SOX5: variants seen among roughly 807,000 people sequenced by gnomAD.
The protein encoded by SOX5 is SRY-box transcription factor 5.
A neutral mutation model predicts 92.0 loss-of-function variants in SOX5; 9 were observed. The observed-to-expected ratio is 0.10, with a 90% CI of 0.06 to 0.17. The LOEUF (loss-of-function observed/expected upper bound fraction) is 0.17. Ranked by LOEUF, SOX5 falls within the 10% of genes least tolerant of loss-of-function variation. SOX5 has a pLI of 1.00. For missense variants in SOX5, 642 were observed against 944.5 expected (o/e 0.68, Z 4.20); for synonymous variants, 344 against 336.3 (o/e 1.02, Z -0.25).
intron 1 of SOX5, among the ~76,000 whole-genome samples, chr12:24,542,293 C>T (rs1952206382): frequency 6.6e-6 from 1 of 152,200 alleles, no homozygotes; most frequent in Admixed American, 6.5e-5. Flanking sequence ...ACTTCTCCAC[C>T]TAGTTGGCCC....
intron 2 of SOX5, among the ~76,000 whole-genome samples, chr12:23,859,984 T>G (rs906166856): frequency 2.0e-5 from 3 of 152,174 alleles, no homozygotes; most frequent in Non-Finnish European, 4.4e-5. Flanking sequence ...AATGAGGTCA[T>G]GTCTTTTGAG....
intron 1 of SOX5, among the ~76,000 whole-genome samples, chr12:24,454,088 CTT>C (rs1010342509): frequency 6.6e-6 from 1 of 152,096 alleles, no homozygotes; most frequent in African/African-American, 2.4e-5. Flanking sequence ...GAGCTATATT[CTT>C]TGTTTCTTCA....
At chr12:23,961,903 C>T (rs944928398) in intron 4 of SOX5, among the ~76,000 whole-genome samples, 2 of 152,088 alleles carry the variant, frequency 1.3e-5, no homozygotes, top group African/African-American at 4.8e-5. Context: ...AATATTACTT[C>T]CTCAAAGAAG....
At chr12:23,835,488 C>T (rs966743797) in intron 3 of SOX5, among the ~76,000 whole-genome samples, 7 of 151,762 alleles carry the variant, frequency 4.6e-5, no homozygotes, top group Admixed American at 1.3e-4. Context: ...ACAATTATTT[C>T]GCCCTCAGAC....
At chr12:24,505,483 A>T (rs1948629940) in intron 1 of SOX5, among the ~76,000 whole-genome samples, 2 of 152,200 alleles carry the variant, frequency 1.3e-5, no homozygotes, top group Non-Finnish European at 2.9e-5. Context: ...TTTCATACGG[A>T]ACTTCTTTTG....
chr12:24,251,787 G>A (rs1489382989), intron 3 of SOX5, among the ~76,000 whole-genome samples: 2 of 151,836 alleles, frequency 1.3e-5, no homozygotes, highest in Non-Finnish European at 2.9e-5. Flanking sequence ...GGCCAGGCTG[G>A]TCTCAAACTC....
intron 5 of SOX5, among the ~76,000 whole-genome samples, chr12:23,736,387 G>C (rs545908777): frequency 5.0e-4 from 76 of 152,090 alleles, no homozygotes; most frequent in African/African-American, 1.6e-3. Context: ...TCGTGAACCT[G>C]GGAAGTGGAG....
At chr12:24,109,909 C>T (rs1476835008) in intron 4 of SOX5, among the ~76,000 whole-genome samples, 9 of 152,142 alleles carry the variant, frequency 5.9e-5, no homozygotes, top group African/African-American at 2.2e-4. Flanking sequence ...CATACGTCCA[C>T]AAATTCAAAT....
chr12:23,613,823 A>G (rs969166805), intron 8 of SOX5, among the ~76,000 whole-genome samples: 14 of 152,218 alleles, frequency 9.2e-5, no homozygotes, highest in Admixed American at 6.5e-5. Flanking sequence ...AATTAAATTC[A>G]TAGAGACAGA....
upstream of SOX5, among the ~76,000 whole-genome samples, chr12:23,955,729 G>A (rs892640715): frequency 5.9e-5 from 9 of 151,598 alleles, no homozygotes; most frequent in Admixed American, 1.3e-4. Context: ...GGTAAAAATC[G>A]GAAGGTTTCT....
intron 4 of SOX5, among the ~76,000 whole-genome samples, chr12:24,148,382 C>A (rs1951285403): frequency 1.3e-5 from 2 of 149,928 alleles, no homozygotes; most frequent in African/African-American, 4.9e-5. Context: ...GTAATCCCAG[C>A]TACTCAGGAA....
chr12:23,935,161 C>T (rs1942272321), intron 1 of SOX5, among the ~76,000 whole-genome samples: 1 of 151,176 alleles, frequency 6.6e-6, no homozygotes, highest in African/African-American at 2.4e-5. Context: ...GCCTCGTTAC[C>T]ATAAAGCTGC....
At chr12:23,849,861 A>G (rs1040203626) in intron 2 of SOX5, among the ~76,000 whole-genome samples, 1 of 152,166 alleles carries the variant, frequency 6.6e-6, no homozygotes, top group African/African-American at 2.4e-5. Flanking sequence ...GAGTAATGGT[A>G]CTCAGTAGTC....
In SOX5 at chr12:24,209,949, C is replaced by G. The variant is rs370688502; in HGVS notation, c.-2+3394G>C. ...AGGAGAATGGCATGAACCCGGGAGG[C>G]GGAGCTTGCAGTGAGCCGAGATCCC... On this transcript the variant is annotated intron_variant, in intron 4 of 4. Transcript: ENST00000446891. Among the ~76,000 whole-genome samples, 65 of 117,978 alleles carry G rather than the reference C, an allele frequency of 5.5e-4. 1 individual carries two copies. In the South Asian group the frequency reaches 0.018, roughly 33 times the overall value. 77.4% of individuals were successfully genotyped at this position (117,978 alleles called of 152,430 possible). A position where few individuals can be genotyped will look rare whatever the true frequency, so the allele number is the denominator to read the frequency against.
chr12:23,859,527 C>G (rs185853024), intron 2 of SOX5, among the ~76,000 whole-genome samples: 1 of 152,148 alleles, frequency 6.6e-6, no homozygotes, highest in Non-Finnish European at 1.5e-5. Context: ...GTGTGCCCAG[C>G]GGGACATGGA....
At chr12:24,410,934 C>G (rs112664822) in intron 1 of SOX5, among the ~76,000 whole-genome samples, 1 of 152,104 alleles carries the variant, frequency 6.6e-6, no homozygotes, top group East Asian at 1.9e-4. Context: ...GTTGAGTGTT[C>G]CAGTCCATGA....
intron 4 of SOX5, among the ~76,000 whole-genome samples, chr12:23,746,203 G>C (rs1332538240): frequency 6.6e-6 from 1 of 152,118 alleles, no homozygotes; most frequent in Non-Finnish European, 1.5e-5. Flanking sequence ...TTAATAAGTG[G>C]TCTGTGAACA....
chr12:24,441,332 G>A (rs549439931), intron 1 of SOX5, among the ~76,000 whole-genome samples: 19 of 151,922 alleles, frequency 1.3e-4, no homozygotes, highest in Middle Eastern at 3.4e-3. Flanking sequence ...CTCCTCCTAC[G>A]GTCCACCTAA....
chr12:23,835,860 A>G (rs1418132444), intron 3 of SOX5, among the ~76,000 whole-genome samples: 1 of 151,788 alleles, frequency 6.6e-6, no homozygotes, highest in Non-Finnish European at 1.5e-5. Flanking sequence ...ACTTTAAAAC[A>G]TATTTAATTA....
Sources: gnomAD v4.1 joint callset for allele counts (sites outside exome capture counted in the v4.1 genomes callset) on GRCh38, gnomAD v4.1.1 for gene constraint, MANE v1.5 for transcripts, NCBI Gene and HGNC (gene_info 2026-07-23, HGNC 2026-07-21) for gene names.